GLTP: variants seen among roughly 807,000 people sequenced by gnomAD.
GLTP encodes glycolipid transfer protein.
GLTP carries 22 observed loss-of-function variants against 24.0 expected under a neutral mutation model. The observed-to-expected ratio is 0.92, with a 90% CI of 0.65 to 1.31. The LOEUF (loss-of-function observed/expected upper bound fraction) is 1.31, where lower values mean the gene tolerates loss of function less well. Ranked by LOEUF, GLTP falls within the 50% of genes most tolerant of loss-of-function variation. The pLI is 0.00. For missense variants in GLTP, 224 were observed against 276.6 expected (o/e 0.81, Z 1.35); for synonymous variants, 92 against 115.9 (o/e 0.79, Z 1.33).
intron 3 of GLTP, among the ~76,000 whole-genome samples, chr12:109,856,191 G>A (rs1299051207): frequency 6.6e-6 from 1 of 152,128 alleles, no homozygotes; most frequent in East Asian, 1.9e-4. Context: ...TGGCGAGACT[G>A]GCCCCGCGTG....
chr12:109,855,481 A>G lies in GLTP; in HGVS notation c.447+138T>C, dbSNP rs546012315. The G allele has an allele frequency of 1.2e-5, 8 of 691,982 alleles. No individual in the cohort carries two copies. Among genetic ancestry groups the G allele is most frequent in the Non-Finnish European group, 1.9e-5 (8 of 432,110 alleles). 42.9% of individuals were successfully genotyped at this position (691,982 alleles called of 1,614,324 possible). A position where few individuals can be genotyped will look rare whatever the true frequency, so the allele number is the denominator to read the frequency against. On this transcript the variant is annotated intron_variant, in intron 4 of 4. Coordinates refer to ENST00000318348, the MANE Select transcript of GLTP (RefSeq NM_016433.4). The surrounding 1 kb of genome is among the most constrained non-coding windows in gnomAD (Gnocchi z 4.1). ...CCTCTCAGTACACTAGCCTCACCCAAATAGATGAGGGAGCCCTTCCTGAGC... is the reference window on the plus strand; with the variant it reads ...CCTCTCAGTACACTAGCCTCACCCAGATAGATGAGGGAGCCCTTCCTGAGC...
intron 1 of GLTP, among the ~76,000 whole-genome samples, chr12:109,865,168 T>C (rs1309975539): frequency 6.6e-6 from 1 of 152,234 alleles, no homozygotes; most frequent in Non-Finnish European, 1.5e-5. Context: ...ACTTGTTTTT[T>C]TCAATTGTTG....
chr12:109,855,826 A>G lies in GLTP; in HGVS notation c.297-57T>C, dbSNP rs1892789383. On this transcript the variant is annotated intron_variant, in intron 3 of 4. Transcript: ENST00000318348. This position sits in a 1 kb window ranked among gnomAD's most constrained non-coding sequence, Gnocchi z 4.1. ...ACCCTGCACAGCCCTGTCGTGAAAG[A>G]CCCTGATGGACTCTGAATTTGCCAC... 1 of 1,394,640 alleles carries G rather than the reference A, an allele frequency of 7.2e-7. No individual in the cohort carries two copies. The highest frequency in any genetic ancestry group is 2.6e-5 in the East Asian group (1 of 38,498). 86.4% of individuals were successfully genotyped at this position (1,394,640 alleles called of 1,614,324 possible). A position where few individuals can be genotyped will look rare whatever the true frequency, so the allele number is the denominator to read the frequency against.
chr12:109,867,264 T>G (rs1471474656), intron 1 of GLTP, among the ~76,000 whole-genome samples: 3 of 152,048 alleles, frequency 2.0e-5, no homozygotes, highest in Non-Finnish European at 4.4e-5. Flanking sequence ...TTCTCGTGCC[T>G]CAGCCTCCCG....
Position 109,852,364 on chromosome 12 carries a change from A to AG in GLTP, c.*190dup, listed in dbSNP as rs1892735971. 1 of 516,686 alleles carries AG rather than the reference A, an allele frequency of 1.9e-6. No individual in the cohort carries two copies. The highest frequency in any genetic ancestry group is 2.3e-5 in the African/African-American group (1 of 43,014). 32.0% of individuals were successfully genotyped at this position (516,686 alleles called of 1,614,324 possible). A position where few individuals can be genotyped will look rare whatever the true frequency, so the allele number is the denominator to read the frequency against. ...TAAGATCATTATTTACTGGTCCTTT[A>AG]GAATAGACCAAAAAAAAAAAAAAAA... On this transcript the variant is annotated 3_prime_UTR_variant, in exon 5 of 5. Transcript: ENST00000318348.
rs750252676 is a variant in GLTP at position 109,851,203 on chromosome 12, A to G, written c.*1352T>C. On this transcript the variant is annotated 3_prime_UTR_variant, in exon 5 of 5. Coordinates refer to ENST00000318348, the MANE Select transcript of GLTP (RefSeq NM_016433.4). ...CGTCAAGAGAATACACACGGTAGGT[A>G]GTTTCTTAGGTTGGAAAATCTGTCC... The G allele has an allele frequency of 1.3e-5, 2 of 152,548 alleles. No homozygotes were observed. The highest frequency in any genetic ancestry group is 2.9e-5 in the Non-Finnish European group (2 of 68,032). The allele number at this position is 152,548 out of a possible 1,614,324, so 9.4% of individuals were successfully genotyped here.
At chr12:109,867,706 T>G (rs1049167638) in intron 1 of GLTP, among the ~76,000 whole-genome samples, 1 of 152,036 alleles carries the variant, frequency 6.6e-6, no homozygotes. Context: ...TCTTTTGAGA[T>G]GGGGTCTCAT....
At chr12:109,878,141 C>T (rs1028424451) in intron 1 of GLTP, among the ~76,000 whole-genome samples, 3 of 152,218 alleles carry the variant, frequency 2.0e-5, no homozygotes, top group Non-Finnish European at 4.4e-5. Context: ...AGGAGATGCT[C>T]TTTAGCCCTG....
At position 109,855,997 on chromosome 12, in the gene GLTP, T is replaced by C. The variant is rs1382066355; in HGVS notation, c.297-228A>G. On this transcript the variant is annotated intron_variant, in intron 3 of 4. Transcript: ENST00000318348. This position sits in a 1 kb window ranked among gnomAD's most constrained non-coding sequence, Gnocchi z 4.1. Reference sequence around the variant, plus strand: ...CTCCTCCAGGCCTGGTGCTGGCCCATGACAAGTCACACTGGCTGTAAGATC... The same window carrying C: ...CTCCTCCAGGCCTGGTGCTGGCCCACGACAAGTCACACTGGCTGTAAGATC... 6.6e-6 allele frequency among the ~76,000 whole-genome samples: 1 copy of C among 152,058 alleles called. No homozygotes were observed. Among genetic ancestry groups the C allele is most frequent in the Non-Finnish European group, 1.5e-5 (1 of 68,006 alleles).
intron 1 of GLTP, among the ~76,000 whole-genome samples, chr12:109,870,838 G>A (rs1287818302): frequency 6.6e-6 from 1 of 152,144 alleles, no homozygotes; most frequent in African/African-American, 2.4e-5. Context: ...GAACACAGGG[G>A]AAGTGTGAGT....
At chr12:109,873,571 T>TTGCAGTGA (rs1033190057) in intron 1 of GLTP, among the ~76,000 whole-genome samples, 57 of 148,724 alleles carry the variant, frequency 3.8e-4, no homozygotes, top group Non-Finnish European at 7.1e-4. Context: ...GACGCAGAGG[T>TTGCAGTGA]TGCAGTGAGC....
intron 1 of GLTP, among the ~76,000 whole-genome samples, chr12:109,863,105 C>T (rs1565898579): frequency 6.6e-6 from 1 of 152,110 alleles, no homozygotes; most frequent in Non-Finnish European, 1.5e-5. Context: ...TTACATTAGA[C>T]TGATGGATGG....
intron 1 of GLTP, among the ~76,000 whole-genome samples, chr12:109,866,882 C>T (rs1279485409): frequency 6.6e-6 from 1 of 151,194 alleles, no homozygotes; most frequent in Non-Finnish European, 1.5e-5. Context: ...ACCTCAGCCT[C>T]CAGAGTAGTT....
In GLTP at chr12:109,855,706, G is replaced by T; in HGVS notation, c.360C>A (p.His120Gln). The change falls in exon 4 of 5, where the codon CAC becomes CAA. Residue 120 changes from histidine (H) to glutamine (Q), a missense_variant. His to Gln is a conservative substitution (Grantham distance 24, BLOSUM62 0). Transcript: ENST00000318348. This position sits in a 1 kb window ranked among gnomAD's most constrained non-coding sequence, Gnocchi z 4.1. Reference sequence around the variant, plus strand: ...TGGCGTTGACACGGATGAGGTTGGGGTGGTTCTCGTCCCGCTCCCCGTCGC... The same window carrying T: ...TGGCGTTGACACGGATGAGGTTGGGTTGGTTCTCGTCCCGCTCCCCGTCGC... ...SICDGERDEN[H>Q]PNLIRVNATK... 6.2e-7 allele frequency: 1 copy of T among 1,609,902 alleles called. No individual in the cohort carries two copies. Among genetic ancestry groups the T allele is most frequent in the African/African-American group, 1.3e-5 (1 of 74,464 alleles).
chr12:109,860,003 C>CGGA (rs57177275), intron 1 of GLTP: 101,678 of 151,280 alleles, frequency 0.67, 35,957 homozygotes, highest in African/African-American at 0.88. Flanking sequence ...TTCCCCGAGA[C>CGGA]TTTTTGCTCC....
At chr12:109,856,252 G>A (rs561694285) in intron 3 of GLTP, among the ~76,000 whole-genome samples, 4 of 152,314 alleles carry the variant, frequency 2.6e-5, no homozygotes, top group African/African-American at 9.6e-5. Flanking sequence ...TTCTAAGTCT[G>A]CTACGGTGCT....
intron 1 of GLTP, among the ~76,000 whole-genome samples, chr12:109,861,962 C>G (rs573285776): frequency 6.6e-6 from 1 of 152,332 alleles, no homozygotes; most frequent in East Asian, 1.9e-4. Context: ...TTTCTCTGTG[C>G]TCCCCTGTGA....
At chr12:109,878,121 G>A (rs1424423675) in intron 1 of GLTP, among the ~76,000 whole-genome samples, 1 of 152,206 alleles carries the variant, frequency 6.6e-6, no homozygotes, top group African/African-American at 2.4e-5. Context: ...TGAGACCAAG[G>A]AAAGGGAGGA....
At chr12:109,859,276 T>C (rs1892841608) in intron 1 of GLTP, among the ~76,000 whole-genome samples, 1 of 152,240 alleles carries the variant, frequency 6.6e-6, no homozygotes, top group African/African-American at 2.4e-5. Context: ...TCCCAGCACT[T>C]TGGGAGGCCG....
Sources: allele counts gnomAD v4.1 joint callset (sites outside exome capture counted in the v4.1 genomes callset), GRCh38; gene constraint gnomAD v4.1.1; non-coding constraint Gnocchi (gnomAD v3.1); transcripts MANE v1.5; gene names NCBI Gene and HGNC (gene_info 2026-07-23, HGNC 2026-07-21).